Variants in ZCCHC7 observed in about 807,000 individuals in gnomAD.
ZCCHC7 encodes the protein zinc finger CCHC domain-containing protein 7.
ZCCHC7 carries 35 observed loss-of-function variants against 52.0 expected under a neutral mutation model. The ratio of observed to expected loss-of-function variants is 0.67; its 90% CI spans 0.51 to 0.89. ZCCHC7 has a LOEUF of 0.89. Among genes scored for constraint, ZCCHC7 ranks in the 40% least tolerant of loss-of-function variants. ZCCHC7 has a pLI of 0.00. For missense variants in ZCCHC7, 574 were observed against 649.1 expected, an observed-to-expected ratio of 0.88 and a Z score of 1.26; for synonymous variants, 217 against 221.5, an observed-to-expected ratio of 0.98 and a Z score of 0.18.
chr9:37,172,957 G>C (rs1389415221), intron 2 of ZCCHC7, among the ~76,000 whole-genome samples: 6 of 151,592 alleles, frequency 4.0e-5, no homozygotes, highest in African/African-American at 1.5e-4. Flanking sequence ...ACTTTAGTGA[G>C]CAACGTGGGC....
intron 2 of ZCCHC7, among the ~76,000 whole-genome samples, chr9:37,167,857 A>G (rs866315026): frequency 6.6e-6 from 1 of 152,192 alleles, no homozygotes; most frequent in African/African-American, 2.4e-5. Flanking sequence ...GTGGAAATAG[A>G]CACTATTCCC....
At chr9:37,125,231 CTT>C (rs1369938143) in intron 1 of ZCCHC7, among the ~76,000 whole-genome samples, 1 of 152,190 alleles carries the variant, frequency 6.6e-6, no homozygotes, top group African/African-American at 2.4e-5. Flanking sequence ...CTCACTGTAA[CTT>C]TGAACTCCTG....
rs112431571 is a variant in ZCCHC7 at position 37,192,442 on chromosome 9, T to C, written c.610+65500T>C. On this transcript the variant is annotated intron_variant, in intron 2 of 8. Transcript: ENST00000336755. ...TATTTTCTTCTTTAGATCAGGTGTG[T>C]ATTACAGGAGATTTTTGAAATGTAG... Among the ~76,000 whole-genome samples the C allele has an allele frequency of 4.4e-3, 676 of 152,324 alleles. 3 individuals are homozygous for C. The highest frequency in any genetic ancestry group is 0.016 in the African/African-American group (646 of 41,574).
At chr9:37,134,248 C>T in intron 2 of ZCCHC7, among the ~76,000 whole-genome samples, 1 of 152,032 alleles carries the variant, frequency 6.6e-6, no homozygotes, top group Non-Finnish European at 1.5e-5. Flanking sequence ...TTAATCTCTT[C>T]CTTTTTTTAA....
chr9:37,167,957 C>A (rs950087081), intron 2 of ZCCHC7, among the ~76,000 whole-genome samples: 1 of 152,172 alleles, frequency 6.6e-6, no homozygotes, highest in Non-Finnish European at 1.5e-5. Context: ...ACATTTTGAA[C>A]ACTTTGCCGA....
intron 2 of ZCCHC7, among the ~76,000 whole-genome samples, chr9:37,211,916 T>C (rs1392054271): frequency 6.6e-6 from 1 of 151,000 alleles, no homozygotes; most frequent in Non-Finnish European, 1.5e-5. Flanking sequence ...TAGTCCCAGC[T>C]ACTTGGGAGG....
intron 2 of ZCCHC7, among the ~76,000 whole-genome samples, chr9:37,263,684 A>C (rs1478662572): frequency 6.6e-6 from 1 of 152,196 alleles, no homozygotes; most frequent in African/African-American, 2.4e-5. Context: ...TTCATTGTAC[A>C]CTACACACAT....
At chr9:37,218,389 C>T (rs1326495700) in intron 2 of ZCCHC7, among the ~76,000 whole-genome samples, 2 of 152,190 alleles carry the variant, frequency 1.3e-5, no homozygotes, top group Non-Finnish European at 2.9e-5. Flanking sequence ...TTAAGGCACA[C>T]AATCAGGAGT....
chr9:37,189,021 T>C (rs149924184), intron 2 of ZCCHC7, among the ~76,000 whole-genome samples: 9 of 114,510 alleles, frequency 7.9e-5, no homozygotes, highest in African/African-American at 3.1e-4. Flanking sequence ...TCAGATTTAA[T>C]ATTTTCTATA....
chr9:37,337,397 A>ACC (rs1264594478), intron 6 of ZCCHC7, among the ~76,000 whole-genome samples: 1 of 17,248 alleles, frequency 5.8e-5, no homozygotes, highest in Non-Finnish European at 1.0e-4. Context: ...CACCCTACCC[A>ACC]CCCACCCCCC....
rs534949166 is a variant in ZCCHC7 at position 37,323,523 on chromosome 9, C to T, written c.952-4276C>T. Reference sequence around the variant, plus strand: ...AAGACCAATGCATGGCTTTCCATACCGATTGGTTAAAAAAATTATGTAGAT... The same window carrying T: ...AAGACCAATGCATGGCTTTCCATACTGATTGGTTAAAAAAATTATGTAGAT... On this transcript the variant is annotated intron_variant, in intron 5 of 8. Coordinates refer to ENST00000336755, the MANE Select transcript of ZCCHC7 (RefSeq NM_032226.3). Among the ~76,000 whole-genome samples the T allele has an allele frequency of 9.2e-5, 14 of 152,130 alleles. No homozygotes were observed. In the South Asian group the frequency reaches 1.0e-3, roughly 11 times the overall value.
intron 6 of ZCCHC7, among the ~76,000 whole-genome samples, chr9:37,336,410 T>C (rs998916978): frequency 1.3e-5 from 2 of 152,148 alleles, no homozygotes; most frequent in Non-Finnish European, 2.9e-5. Flanking sequence ...TTCCCCCTTC[T>C]AACAGGTCCT....
intron 2 of ZCCHC7, among the ~76,000 whole-genome samples, chr9:37,149,898 A>G (rs1843607344): frequency 1.3e-5 from 2 of 152,204 alleles, no homozygotes. Context: ...TGAAAAATCA[A>G]GACGCTGCTA....
intron 2 of ZCCHC7, among the ~76,000 whole-genome samples, chr9:37,183,879 A>G (rs1347272048): frequency 6.6e-6 from 1 of 152,214 alleles, no homozygotes; most frequent in African/African-American, 2.4e-5. Flanking sequence ...ACGCTGAACA[A>G]CAATGCTATT....
intron 2 of ZCCHC7, among the ~76,000 whole-genome samples, chr9:37,282,082 C>G (rs1263446820): frequency 1.3e-5 from 2 of 152,088 alleles, no homozygotes; most frequent in East Asian, 3.9e-4. Context: ...GAATCAGCTC[C>G]AGTCTCAGGA....
At chr9:37,277,135 A>C (rs1588596909) in intron 2 of ZCCHC7, among the ~76,000 whole-genome samples, 1 of 152,338 alleles carries the variant, frequency 6.6e-6, no homozygotes, top group East Asian at 1.9e-4. Flanking sequence ...CTAAGAATGA[A>C]GAGTGGAAGA....
At chr9:37,163,232 A>G (rs1821207903) in intron 2 of ZCCHC7, among the ~76,000 whole-genome samples, 1 of 151,666 alleles carries the variant, frequency 6.6e-6, no homozygotes, top group Admixed American at 6.6e-5. Flanking sequence ...AAAAAAAAAC[A>G]AAAAGTATTT....
intron 2 of ZCCHC7, among the ~76,000 whole-genome samples, chr9:37,223,920 T>A (rs989703112): frequency 6.6e-6 from 1 of 152,186 alleles, no homozygotes; most frequent in Admixed American, 6.5e-5. Context: ...TTTAAAAAAA[T>A]TTATGCCTAA....
In ZCCHC7 at chr9:37,296,865, A is replaced by G. The variant is rs577180118; in HGVS notation, c.611-5323A>G. 5.8e-5 allele frequency among the ~76,000 whole-genome samples: 8 copies of G among 137,386 alleles called. No individual in the cohort carries two copies. The South Asian group carries it at 1.4e-3, about 24-fold the overall frequency. 90.1% of individuals were successfully genotyped at this position (137,386 alleles called of 152,430 possible). On this transcript the variant is annotated intron_variant, in intron 2 of 8. Coordinates refer to ENST00000336755, the MANE Select transcript of ZCCHC7 (RefSeq NM_032226.3). ...TTAGCTGGGACTATAGGCATGCACC[A>G]CCATACCTGGCTAGTTTGTGTGTGT...
Sources: allele counts gnomAD v4.1 joint callset (sites outside exome capture counted in the v4.1 genomes callset), GRCh38; gene constraint gnomAD v4.1.1; transcripts MANE v1.5; gene names NCBI Gene and HGNC (gene_info 2026-07-23, HGNC 2026-07-21).